The following ZNF341 variants were observed in gnomAD, a reference collection of about 807,000 sequenced individuals.
The protein encoded by ZNF341 is zinc finger protein 341.
ZNF341 carries 52 observed loss-of-function variants against 87.7 expected under a neutral mutation model. That is an observed-to-expected ratio of 0.59 (90% CI 0.47 to 0.75). The LOEUF (loss-of-function observed/expected upper bound fraction) is 0.75, where lower values mean the gene tolerates loss of function less well. Ranked by LOEUF, ZNF341 falls within the 30% of genes least tolerant of loss-of-function variation. ZNF341 has a pLI of 0.00. For synonymous variants in ZNF341, 459 were observed against 472.7 expected (o/e 0.97, Z 0.38); for missense variants, 977 against 1,145.9 (o/e 0.85, Z 2.13).
At chr20:33,753,019 C>T (rs531532094) in intron 4 of ZNF341, among the ~76,000 whole-genome samples, 153 bp from the exon 5 acceptor site, 5 of 152,332 alleles carry the variant, frequency 3.3e-5, no homozygotes, top group African/African-American at 1.2e-4. Context: ...TCTCCCATGA[C>T]TTTGTTTCCC....
At chr20:33,742,710 C>T (rs555691797) in intron 2 of ZNF341, among the ~76,000 whole-genome samples, 1 of 152,068 alleles carries the variant, frequency 6.6e-6, no homozygotes, top group South Asian at 2.1e-4. Flanking sequence ...AGCAATCCTC[C>T]CACCTCAGCC....
In ZNF341 at chr20:33,791,573, G is replaced by T; in HGVS notation, c.*56G>T. 6.8e-7 allele frequency: 1 copy of T among 1,472,024 alleles called. No homozygotes were observed. The highest frequency in any genetic ancestry group is 2.4e-5 in the East Asian group (1 of 42,072). The allele number at this position is 1,472,024 out of a possible 1,614,324, so 91.2% of individuals were successfully genotyped here. On this transcript the variant is annotated 3_prime_UTR_variant, in exon 15 of 15. Coordinates refer to ENST00000375200, the MANE Select transcript of ZNF341 (RefSeq NM_001282933.2). ...CCTGATGCTCCTGTTTGGGTCCAGG[G>T]CCCCTGGGGGCAGACCGGTGATCCT...
Position 33,791,657 on chromosome 20 carries a change from A to G in ZNF341, c.*140A>G. On this transcript the variant is annotated 3_prime_UTR_variant, in exon 15 of 15. Transcript: ENST00000375200. ...GAAATCCTGCTGAATGTCATTCAGAAACCTCAGCCCATGGTCGCCCTCCTG... is the reference window on the plus strand; with the variant it reads ...GAAATCCTGCTGAATGTCATTCAGAGACCTCAGCCCATGGTCGCCCTCCTG... 9.7e-7 allele frequency: 1 copy of G among 1,027,724 alleles called. No individual in the cohort carries two copies. Among genetic ancestry groups the G allele is most frequent in the Non-Finnish European group, 1.4e-6 (1 of 736,114 alleles). The allele number at this position is 1,027,724 out of a possible 1,614,324, so 63.7% of individuals were successfully genotyped here.
At position 33,785,368 on chromosome 20, in the gene ZNF341, G is replaced by A. The variant is rs1477112749; in HGVS notation, c.1852+1504G>A. Among the ~76,000 whole-genome samples, 14 of 151,656 alleles carry A rather than the reference G, an allele frequency of 9.2e-5. 1 individual carries two copies. The highest frequency in any genetic ancestry group is 9.2e-4 in the Admixed American group (14 of 15,208). On this transcript the variant is annotated intron_variant, in intron 12 of 14. Transcript: ENST00000375200. Reference sequence around the variant, plus strand: ...ATTTTTTATTTTTATTTTGAGACAGGGTCTCACTCTGTCACCCAGGCTGGA... The same window carrying A: ...ATTTTTTATTTTTATTTTGAGACAGAGTCTCACTCTGTCACCCAGGCTGGA...
At chr20:33,749,117 T>C (rs763103124) in intron 4 of ZNF341, 45 bp downstream of exon 4, 28 of 1,575,996 alleles carry the variant, frequency 1.8e-5, no homozygotes. Context: ...TCCAGACCTG[T>C]ACATTAACTC....
chr20:33,759,267 A>G (rs1265169597), intron 7 of ZNF341, among the ~76,000 whole-genome samples: 1 of 152,108 alleles, frequency 6.6e-6, no homozygotes, highest in Non-Finnish European at 1.5e-5. Context: ...TTTCTCACAC[A>G]GTGAAATGCA....
At chr20:33,781,673 T>A (rs1405569111) in intron 11 of ZNF341, among the ~76,000 whole-genome samples, 3 of 151,688 alleles carry the variant, frequency 2.0e-5, no homozygotes, top group African/African-American at 7.3e-5. Flanking sequence ...TGTAAGATTA[T>A]CCTTATTACA....
intron 9 of ZNF341, 76 bp from the exon 10 acceptor site, chr20:33,770,008 C>A: frequency 3.1e-6 from 3 of 980,896 alleles, no homozygotes; most frequent in Non-Finnish European, 4.8e-6. Flanking sequence ...GTGTCCAAGG[C>A]CAATGCCACA....
rs1555872754 is a variant in ZNF341, at chr20:33,747,639, A to AAAAG, written c.340-1281_340-1280insGAAA. Among the ~76,000 whole-genome samples the AAAAG allele has an allele frequency of 1.0e-3, 142 of 142,426 alleles. 4 individuals are homozygous for AAAAG. Among genetic ancestry groups the AAAAG allele is most frequent in the Non-Finnish European group, 2.0e-3 (128 of 63,788 alleles). The allele number at this position is 142,426 out of a possible 152,430, so 93.4% of individuals were successfully genotyped here. ...CAAAAAAAAAAAAAAAAAAAAAAAA[A>AAAAG]AAACACAGTCATTTTTCTCACTGCT... On this transcript the variant is annotated intron_variant, in intron 3 of 14. Transcript: ENST00000375200.
Position 33,767,033 on chromosome 20 carries a change from A to G in ZNF341, c.1405A>G (p.Asn469Asp), listed in dbSNP as rs758052186. ...QLKSHMTQHKNEQVYKCVVKS... is the reference protein window; with the variant it reads ...QLKSHMTQHKDEQVYKCVVKS... Reference sequence around the variant, plus strand: ...CAAGTCTCACATGACCCAGCATAAGAATGAGCAGGTAGGTGGATGGTGGCA... The same window carrying G: ...CAAGTCTCACATGACCCAGCATAAGGATGAGCAGGTAGGTGGATGGTGGCA... The change falls in exon 9 of 15, where the codon AAT becomes GAT. Residue 469 changes from asparagine to aspartate, a missense_variant. Physicochemically the swap from Asn to Asp is conservative, Grantham distance 23 (BLOSUM62 1). Transcript: ENST00000375200. 1 of 1,612,508 alleles carries G rather than the reference A, an allele frequency of 6.2e-7. No individual in the cohort carries two copies.
chr20:33,753,927 C>A (rs1281103710), intron 5 of ZNF341, among the ~76,000 whole-genome samples: 1 of 152,152 alleles, frequency 6.6e-6, no homozygotes, highest in Admixed American at 6.5e-5. Context: ...ACTCATATGT[C>A]TGAACGTTGG....
At chr20:33,790,539 T>G (rs2019986419) in intron 14 of ZNF341, among the ~76,000 whole-genome samples, 1 of 152,140 alleles carries the variant, frequency 6.6e-6, no homozygotes, top group South Asian at 2.1e-4. Context: ...AAAGTCTCCC[T>G]TGTTTGAGAA....
chr20:33,773,493 G>A (rs950049482), intron 10 of ZNF341, among the ~76,000 whole-genome samples: 1 of 152,172 alleles, frequency 6.6e-6, no homozygotes, highest in Non-Finnish European at 1.5e-5. Flanking sequence ...ATTGGCCTGT[G>A]CTTAAATCCT....
chr20:33,735,310 G>A (rs954915062), intron 1 of ZNF341, among the ~76,000 whole-genome samples: 3 of 152,256 alleles, frequency 2.0e-5, no homozygotes, highest in East Asian at 1.9e-4. Flanking sequence ...GATTGCAGGC[G>A]TGAGGCACTG....
In ZNF341 at chr20:33,756,166, T is replaced by G. The variant is rs555475325; in HGVS notation, c.742-982T>G. On this transcript the variant is annotated intron_variant, in intron 5 of 14. Transcript: ENST00000375200. ...TGAGCCTGGGAGGTCAAGGCTGCAG[T>G]GAGCCGAGATCACATCATTGCATTC... is the stretch of plus-strand genomic sequence containing the variant. Among the ~76,000 whole-genome samples the G allele has an allele frequency of 3.3e-5, 5 of 152,000 alleles. No individual in the cohort carries two copies. In the East Asian group the frequency reaches 9.9e-4, roughly 30 times the overall value.
intron 1 of ZNF341, among the ~76,000 whole-genome samples, chr20:33,735,698 TC>T (rs1326507156): frequency 6.6e-6 from 1 of 152,132 alleles, no homozygotes; most frequent in Non-Finnish European, 1.5e-5. Flanking sequence ...TAAAGAGAGA[TC>T]CCACGTGTCC....
At chr20:33,766,104 C>T (rs996091035) in intron 8 of ZNF341, among the ~76,000 whole-genome samples, 4 of 151,910 alleles carry the variant, frequency 2.6e-5, no homozygotes, top group African/African-American at 4.8e-5. Flanking sequence ...AGGCTGGTCT[C>T]GAACTCCTGA....
intron 1 of ZNF341, among the ~76,000 whole-genome samples, chr20:33,733,395 ATT>A (rs535729486): frequency 1.9e-4 from 27 of 140,834 alleles, no homozygotes; most frequent in Non-Finnish European, 1.6e-4. Context: ...CGCCCGGCTA[ATT>A]TTTTTTTTTT....
chr20:33,742,535 C>G (rs375151850), intron 2 of ZNF341, among the ~76,000 whole-genome samples: 5 of 151,888 alleles, frequency 3.3e-5, no homozygotes, highest in African/African-American at 7.3e-5. Context: ...TGGCTGGTCT[C>G]GAACTCCTGA....
Sources: gnomAD v4.1 joint callset for allele counts (sites outside exome capture counted in the v4.1 genomes callset) on GRCh38, gnomAD v4.1.1 for gene constraint, MANE v1.5 for transcripts, NCBI Gene and HGNC (gene_info 2026-07-23, HGNC 2026-07-21) for gene names.